The following NBEA variants were observed in gnomAD, a reference collection of about 807,000 sequenced individuals.
NBEA encodes the protein neurobeachin.
In NBEA, 44 loss-of-function variants were observed where a neutral mutation model predicts 343.4. That is an observed-to-expected ratio of 0.13 (90% CI 0.10 to 0.16). The LOEUF (loss-of-function observed/expected upper bound fraction) is 0.16, where lower values mean the gene tolerates loss of function less well. NBEA is among the 10% of genes least tolerant of loss of function. The pLI is 1.00. For synonymous variants in NBEA, 1,175 were observed against 1,238.7 expected, an observed-to-expected ratio of 0.95 and a Z score of 1.08; for missense variants, 2,555 against 3,631.3, an observed-to-expected ratio of 0.70 and a Z score of 7.62.
In NBEA at chr13:34,942,732, G is replaced by T. The variant is rs2059066548; in HGVS notation, c.-89G>T. On this transcript the variant is annotated 5_prime_UTR_variant, in exon 1 of 59. Coordinates refer to ENST00000379939, the MANE Select transcript of NBEA (RefSeq NM_001385012.1). The stretch of plus-strand genomic sequence containing the variant: ...CTGGTGGATGCTGGGGCTCCGAGGC[G>T]ACGGCCGGGGGGCGGGGGCCGAGGC... The T allele has an allele frequency of 1.8e-6, 2 of 1,122,548 alleles. No homozygotes were observed. Among genetic ancestry groups the T allele is most frequent in the Non-Finnish European group, 2.3e-6 (2 of 885,962 alleles). 69.5% of individuals were successfully genotyped at this position (1,122,548 alleles called of 1,614,324 possible).
chr13:35,337,307 G>T (rs746575595), intron 36 of NBEA, among the ~76,000 whole-genome samples: 2 of 152,046 alleles, frequency 1.3e-5, no homozygotes, highest in African/African-American at 2.4e-5. Flanking sequence ...ACAGAAAAAT[G>T]ATTTTAAAAC....
At chr13:35,518,183 C>G (rs1345686084) in intron 41 of NBEA, among the ~76,000 whole-genome samples, 1 of 152,050 alleles carries the variant, frequency 6.6e-6, no homozygotes, top group Non-Finnish European at 1.5e-5. Context: ...AGATACTGCT[C>G]TTTTCATATG....
At chr13:34,988,410 A>G (rs1011155191) in intron 1 of NBEA, among the ~76,000 whole-genome samples, 6 of 151,242 alleles carry the variant, frequency 4.0e-5, no homozygotes, top group Admixed American at 1.3e-4. Flanking sequence ...GGTGGAGACT[A>G]TAGAGGTAGC....
intron 34 of NBEA, among the ~76,000 whole-genome samples, chr13:35,237,124 A>G (rs989600941): frequency 1.3e-5 from 2 of 152,078 alleles, no homozygotes; most frequent in South Asian, 2.1e-4. Flanking sequence ...AGGCCTGGTG[A>G]CATGTGCCTA....
At chr13:35,588,728 G>A (rs957213197) in intron 46 of NBEA, among the ~76,000 whole-genome samples, 1 of 152,116 alleles carries the variant, frequency 6.6e-6, no homozygotes, top group Non-Finnish European at 1.5e-5. Context: ...TACTTGGAAT[G>A]TTTTTACTTT....
At chr13:35,197,645 A>G (rs1026759859) in intron 31 of NBEA, among the ~76,000 whole-genome samples, 3 of 151,846 alleles carry the variant, frequency 2.0e-5, no homozygotes, top group Non-Finnish European at 2.9e-5. Flanking sequence ...CCTCCTGAGT[A>G]GCACCTGCCA....
chr13:35,082,375 C>T (rs1470736174), intron 10 of NBEA, among the ~76,000 whole-genome samples: 1 of 152,174 alleles, frequency 6.6e-6, no homozygotes, highest in East Asian at 1.9e-4. Context: ...CCTCAATAAA[C>T]ATATGTGTGC....
intron 1 of NBEA, among the ~76,000 whole-genome samples, chr13:34,970,114 T>C (rs979134231): frequency 1.3e-5 from 2 of 152,202 alleles, no homozygotes; most frequent in Non-Finnish European, 2.9e-5. Flanking sequence ...TTGTATCTCA[T>C]TGTGGTTTAG....
intron 51 of NBEA, among the ~76,000 whole-genome samples, chr13:35,646,668 T>C (rs112310864): frequency 1.3e-5 from 2 of 152,314 alleles, no homozygotes; most frequent in African/African-American, 4.8e-5. Flanking sequence ...TATTTGTAAA[T>C]TACAATGAAA....
chr13:35,539,256 T>A (rs986555698), intron 41 of NBEA, among the ~76,000 whole-genome samples: 19 of 152,014 alleles, frequency 1.2e-4, no homozygotes, highest in African/African-American at 4.3e-4. Flanking sequence ...GGGTTCCCAG[T>A]GGGAGCAGCA....
chr13:35,494,018 T>A (rs2076587752), intron 41 of NBEA, among the ~76,000 whole-genome samples: 1 of 151,962 alleles, frequency 6.6e-6, no homozygotes, highest in Non-Finnish European at 1.5e-5. Context: ...CAAATTTAAA[T>A]CTTTAGTTAT....
At chr13:35,059,761 CAGAGAG>C (rs59580233) in intron 8 of NBEA, among the ~76,000 whole-genome samples, 4 of 111,062 alleles carry the variant, frequency 3.6e-5, no homozygotes, top group African/African-American at 6.0e-5. Context: ...TATATATATA[CAGAGAG>C]AGAGAGAGAG....
At chr13:35,051,001 A>G (rs1201357788) in intron 6 of NBEA, among the ~76,000 whole-genome samples, 4 of 152,016 alleles carry the variant, frequency 2.6e-5, no homozygotes. Context: ...AATGCAGAGA[A>G]CTGTGCAACT....
chr13:35,378,282 C>A (rs1238917309), intron 38 of NBEA, among the ~76,000 whole-genome samples: 2 of 152,132 alleles, frequency 1.3e-5, no homozygotes, highest in Admixed American at 1.3e-4. Flanking sequence ...GTCTGTGCCT[C>A]ACAAAAATAA....
At chr13:35,247,790 C>T (rs1000619789) in intron 34 of NBEA, among the ~76,000 whole-genome samples, 4 of 151,996 alleles carry the variant, frequency 2.6e-5, no homozygotes, top group African/African-American at 9.7e-5. Flanking sequence ...TTTAGTCTTG[C>T]CTCCTATCTG....
At chr13:35,334,327 T>C (rs2039113869) in intron 36 of NBEA, among the ~76,000 whole-genome samples, 2 of 152,146 alleles carry the variant, frequency 1.3e-5, no homozygotes, top group South Asian at 4.1e-4. Context: ...TGGAGTGCAA[T>C]GGCATGATCT....
chr13:35,346,016 T>C (rs1312739808), intron 36 of NBEA, among the ~76,000 whole-genome samples: 2 of 152,038 alleles, frequency 1.3e-5, no homozygotes, highest in African/African-American at 4.8e-5. Flanking sequence ...TAAAACATCA[T>C]AGATCAGTTG....
At chr13:35,518,141 C>T (rs999503102) in intron 41 of NBEA, among the ~76,000 whole-genome samples, 5 of 152,102 alleles carry the variant, frequency 3.3e-5, no homozygotes, top group Non-Finnish European at 7.4e-5. Flanking sequence ...GAGCAAGTCC[C>T]TACCTTCATG....
rs927501438 is a variant in NBEA, at chr13:35,645,720, C to T, written c.7618-149C>T. ...AGAAAGCTAAAATATATTTTTGTAA[C>T]AAAAGTTTTGTTATATTTAATAATT... On this transcript the variant is annotated intron_variant, in intron 49 of 58. Coordinates refer to ENST00000379939, the MANE Select transcript of NBEA (RefSeq NM_001385012.1). 1.6e-5 allele frequency: 7 copies of T among 441,992 alleles called. No individual in the cohort carries two copies. In the East Asian group the frequency reaches 2.1e-4, roughly 14 times the overall value. The allele number at this position is 441,992 out of a possible 1,614,324, so 27.4% of individuals were successfully genotyped here.
Sources: gnomAD v4.1 joint callset for allele counts (sites outside exome capture counted in the v4.1 genomes callset) on GRCh38, gnomAD v4.1.1 for gene constraint, MANE v1.5 for transcripts, NCBI Gene and HGNC (gene_info 2026-07-23, HGNC 2026-07-21) for gene names.